Variants in MADD observed in about 807,000 individuals in gnomAD.
MADD encodes MAP kinase-activating death domain protein.
MADD carries 109 observed loss-of-function variants against 176.7 expected under a neutral mutation model. The observed-to-expected ratio is 0.62, with a 90% CI of 0.53 to 0.72. MADD has a LOEUF of 0.72. Ranked by LOEUF, MADD falls within the 30% of genes least tolerant of loss-of-function variation. The pLI, the probability that MADD is intolerant of heterozygous loss-of-function variation, is 0.00. For synonymous variants in MADD, 771 were observed against 771.3 expected, an observed-to-expected ratio of 1.00 and a Z score of 0.01; for missense variants, 1,914 against 2,045.5, an observed-to-expected ratio of 0.94 and a Z score of 1.24.
chr11:47,277,918 A>G (rs1363857333), intron 5 of MADD, among the ~76,000 whole-genome samples: 3 of 152,244 alleles, frequency 2.0e-5, no homozygotes, highest in Non-Finnish European at 4.4e-5. Flanking sequence ...TTCAGACTAC[A>G]GTTTGCCTCA....
At chr11:47,279,528 G>A (rs1047826935) in intron 7 of MADD, among the ~76,000 whole-genome samples, 9 of 151,856 alleles carry the variant, frequency 5.9e-5, no homozygotes, top group East Asian at 5.9e-4. Flanking sequence ...ATAGGCGCAC[G>A]CCGCCACACC....
chr11:47,300,728 C>T (rs540426014), intron 22 of MADD, among the ~76,000 whole-genome samples: 1 of 152,068 alleles, frequency 6.6e-6, no homozygotes, highest in Non-Finnish European at 1.5e-5. Context: ...GAACTCCAGG[C>T]CTCAAGTGAT....
intron 18 of MADD, 59 bp from the exon 20 acceptor site, chr11:47,290,551 T>C: frequency 6.5e-7 from 1 of 1,533,860 alleles, no homozygotes; most frequent in Non-Finnish European, 8.9e-7. Context: ...TCCCACCTCA[T>C]ATCTGCGCCT....
chr11:47,281,229 A>G (rs188373167), intron 7 of MADD, among the ~76,000 whole-genome samples: 1 of 152,320 alleles, frequency 6.6e-6, no homozygotes, highest in Admixed American at 6.5e-5. Flanking sequence ...ATAATTTCAC[A>G]TAGATTCCAA....
intron 23 of MADD, 112 bp from the exon 26 acceptor site, chr11:47,308,868 G>A (rs1023704297): frequency 2.7e-6 from 3 of 1,121,654 alleles, no homozygotes; most frequent in South Asian, 1.3e-5. Flanking sequence ...AACAAGCAGT[G>A]GGTGAAAACT....
intron 15 of MADD, 144 bp downstream of exon 16, chr11:47,289,171 C>A: frequency 1.1e-6 from 1 of 904,732 alleles, no homozygotes; most frequent in Non-Finnish European, 1.7e-6. Flanking sequence ...CCATGCTTGC[C>A]CATGGGGCTT....
chr11:47,313,662 G>A (rs942142942), intron 26 of MADD, among the ~76,000 whole-genome samples: 1 of 151,916 alleles, frequency 6.6e-6, no homozygotes, highest in Non-Finnish European at 1.5e-5. Flanking sequence ...TTCAAGTATG[G>A]ATAAAAGATC....
intron 14 of MADD, 117 bp from the exon 15 acceptor site, chr11:47,286,316 C>A (rs2137803136): frequency 1.4e-6 from 1 of 735,116 alleles, no homozygotes; most frequent in Non-Finnish European, 2.4e-6. Flanking sequence ...ATGATCTGAT[C>A]CACCAAACTG....
At position 47,290,354 on chromosome 11, in the gene MADD, C is replaced by T. The variant is rs147735512; in HGVS notation, c.3094+55C>T. On this transcript the variant is annotated intron_variant, in intron 18 of 32. Transcript: ENST00000402192. ...CATCCCTAACTCTGCCACTTGTCTCCTGAAGAGAAAATATATGTGTACCCA... is the reference window on the plus strand; with the variant it reads ...CATCCCTAACTCTGCCACTTGTCTCTTGAAGAGAAAATATATGTGTACCCA... 6,177 of 1,589,948 alleles carry T rather than the reference C, an allele frequency of 3.9e-3. 207 individuals carry two copies. In the Admixed American group the frequency reaches 0.082, roughly 21 times the overall value.
chr11:47,276,764 C>A, exon 5 of MADD: 1 of 1,614,204 alleles, frequency 6.2e-7, no homozygotes. Flanking sequence ...ACAATGCACT[C>A]TCCATGTCTG....
chr11:47,321,449 A>G (rs2094457606), intron 27 of MADD, among the ~76,000 whole-genome samples: 1 of 152,248 alleles, frequency 6.6e-6, no homozygotes, highest in Non-Finnish European at 1.5e-5. Flanking sequence ...CACGTATTAT[A>G]TGCTAGGTAC....
intron 10 of MADD, 33 bp from the exon 11 acceptor site, chr11:47,284,145 T>G: frequency 1.0e-5 from 15 of 1,444,188 alleles, no homozygotes; most frequent in Non-Finnish European, 1.5e-5. Context: ...CCCCTTTCTG[T>G]TTTGTTTGTT....
chr11:47,324,732 G>T lies in MADD; in HGVS notation c.4542+155G>T, dbSNP rs1234522195. Reference sequence around the variant, plus strand: ...CTGGACCCAGGAAAGAAACCCCAGGGGAGGGCACAGTGACGTTGGCGACCA... The same window carrying T: ...CTGGACCCAGGAAAGAAACCCCAGGTGAGGGCACAGTGACGTTGGCGACCA... On this transcript the variant is annotated intron_variant, in intron 30 of 32. Transcript: ENST00000402192. 1.4e-6 allele frequency: 1 copy of T among 713,544 alleles called. No homozygotes were observed. Among genetic ancestry groups the T allele is most frequent in the South Asian group, 1.5e-5 (1 of 67,822 alleles). 44.2% of individuals were successfully genotyped at this position (713,544 alleles called of 1,614,324 possible).
exon 19 of MADD, chr11:47,290,673 G>T: frequency 1.2e-6 from 2 of 1,614,144 alleles, no homozygotes; most frequent in Non-Finnish European, 1.7e-6. Context: ...AAGGATCCTG[G>T]CCTAGCTGGG....
chr11:47,327,488 C>T, intron 31 of MADD: 3 of 985,444 alleles, frequency 3.0e-6, no homozygotes, highest in Non-Finnish European at 3.6e-6. Flanking sequence ...AGGTCTCTGC[C>T]TTGGGCCCTG....
chr11:47,309,409 G>A lies in MADD; in HGVS notation c.3872+8G>A. The A allele has an allele frequency of 6.2e-7, 1 of 1,614,166 alleles. No homozygotes were observed. Among genetic ancestry groups the A allele is most frequent in the Non-Finnish European group, 8.5e-7 (1 of 1,179,996 alleles). On this transcript the variant is annotated splice_region_variant and intron_variant, in intron 24 of 32. Coordinates refer to ENST00000402192, the Ensembl canonical transcript of MADD. ...CCAGGAAATGATCGACAGGTATGGG[G>A]CTTAGGAAACCATTGGGAATCAGCA...
intron 19 of MADD, 70 bp from the exon 22 acceptor site, chr11:47,293,813 C>T (rs568560830): frequency 4.6e-5 from 45 of 979,734 alleles, no homozygotes; most frequent in East Asian, 2.4e-4. Context: ...CCTGTGCTGC[C>T]GTCCCACCCC....
At chr11:47,324,164 C>A in intron 28 of MADD, 101 bp from the exon 32 acceptor site, 1 of 1,010,780 alleles carries the variant, frequency 9.9e-7, no homozygotes, top group South Asian at 1.4e-5. Flanking sequence ...TAAAATTTTA[C>A]CCCTCACTTC....
chr11:47,283,824 C>T (rs139198415), intron 10 of MADD, among the ~76,000 whole-genome samples: 215 of 152,222 alleles, frequency 1.4e-3, no homozygotes, highest in African/African-American at 4.7e-3. Flanking sequence ...TCGCCTGCCT[C>T]GGCCTCCCAA....
Sources: allele counts gnomAD v4.1 joint callset (sites outside exome capture counted in the v4.1 genomes callset), GRCh38; gene constraint gnomAD v4.1.1; transcripts MANE v1.5; gene names NCBI Gene and HGNC (gene_info 2026-07-23, HGNC 2026-07-21).